The following YPEL1 variants were observed in gnomAD, a reference collection of about 807,000 sequenced individuals.
The protein encoded by YPEL1 is protein yippee-like 1.
Under a neutral mutation model 17.3 loss-of-function variants are expected in YPEL1, and 7 were observed. The ratio of observed to expected loss-of-function variants is 0.40; its 90% CI spans 0.23 to 0.76. The LOEUF (loss-of-function observed/expected upper bound fraction) is 0.76. YPEL1 is among the 30% of genes least tolerant of loss of function. The pLI, the probability that YPEL1 is intolerant of heterozygous loss-of-function variation, is 0.35. For synonymous variants in YPEL1, 59 were observed against 59.6 expected, an observed-to-expected ratio of 0.99 and a Z score of 0.05; for missense variants, 91 against 155.5, an observed-to-expected ratio of 0.59 and a Z score of 2.21.
At position 21,715,434 on chromosome 22, in the gene YPEL1, C is replaced by T. The variant is rs181967226; in HGVS notation, c.-164-4526G>A. 9.9e-5 allele frequency among the ~76,000 whole-genome samples: 15 copies of T among 150,862 alleles called. No individual in the cohort carries two copies. In the East Asian group the frequency reaches 3.1e-3, roughly 31 times the overall value. On this transcript the variant is annotated intron_variant, in intron 1 of 4. Coordinates refer to ENST00000339468, the MANE Select transcript of YPEL1 (RefSeq NM_013313.5). The stretch of plus-strand genomic sequence containing the variant: ...ACTTGAACCCGGGAGGCGGAGGCTG[C>T]AGTGAGCCGAGATTGCACCACTGCA...
chr22:21,706,862 TAAATAA>T (rs758248795), intron 2 of YPEL1, among the ~76,000 whole-genome samples: 21 of 151,384 alleles, frequency 1.4e-4, no homozygotes, highest in Non-Finnish European at 1.9e-4. Context: ...AATAAATAAA[TAAATAA>T]AAATAAAAAT....
chr22:21,732,946 C>T (rs1428092074), intron 1 of YPEL1, among the ~76,000 whole-genome samples: 1 of 151,626 alleles, frequency 6.6e-6, no homozygotes, highest in Non-Finnish European at 1.5e-5. Flanking sequence ...TCATATCTAC[C>T]AAAAAAAATT....
At chr22:21,708,331 CTTTTTTTT>C (rs775485136) in intron 2 of YPEL1, among the ~76,000 whole-genome samples, 2 of 102,108 alleles carry the variant, frequency 2.0e-5, no homozygotes, top group Non-Finnish European at 3.9e-5. Context: ...AGGCTTCTGC[CTTTTTTTT>C]TTTTTTTTTT....
At chr22:21,710,598 G>T in intron 2 of YPEL1, 30 bp downstream of exon 2, 1 of 1,538,036 alleles carries the variant, frequency 6.5e-7, no homozygotes, top group Non-Finnish European at 9.0e-7. Flanking sequence ...TAATCATTGT[G>T]CCATCAATTT....
intron 1 of YPEL1, among the ~76,000 whole-genome samples, chr22:21,733,411 C>G (rs950930162): frequency 6.7e-5 from 10 of 149,590 alleles, no homozygotes; most frequent in Non-Finnish European, 1.5e-4. Flanking sequence ...GAGCGAGACT[C>G]TGTCTCAAAA....
At chr22:21,711,024 GA>G in intron 1 of YPEL1, 116 bp from the exon 2 acceptor site, 1 of 341,780 alleles carries the variant, frequency 2.9e-6, no homozygotes. Context: ...GGCAGGACTA[GA>G]ATTTTTTTTT....
chr22:21,711,136 A>C (rs183391808), intron 1 of YPEL1, among the ~76,000 whole-genome samples: 21 of 151,294 alleles, frequency 1.4e-4, no homozygotes, highest in Non-Finnish European at 2.2e-4. Context: ...CGATTCTTCT[A>C]CCTCAGCCTC....
In YPEL1 at chr22:21,727,696, A is replaced by G. The variant is rs573568485; in HGVS notation, c.-165+7919T>C. ...AGCAAACAAAACCAAGCAGCTTCTG[A>G]CACTTCATGGGATGGAGTGCAGACT... On this transcript the variant is annotated intron_variant, in intron 1 of 4. Coordinates refer to ENST00000339468, the MANE Select transcript of YPEL1 (RefSeq NM_013313.5). Among the ~76,000 whole-genome samples, 3 of 152,314 alleles carry G rather than the reference A, an allele frequency of 2.0e-5. No homozygotes were observed. The South Asian group carries it at 6.2e-4, about 32-fold the overall frequency.
chr22:21,707,785 G>A (rs959346399), intron 2 of YPEL1, among the ~76,000 whole-genome samples: 3 of 152,184 alleles, frequency 2.0e-5, no homozygotes, highest in South Asian at 2.1e-4. Context: ...CAGAGTTGGC[G>A]CCAGCAAACT....
chr22:21,734,031 A>G (rs1203229106), intron 1 of YPEL1, among the ~76,000 whole-genome samples: 1 of 152,190 alleles, frequency 6.6e-6, no homozygotes, highest in Non-Finnish European at 1.5e-5. Context: ...CCTGGGAAAC[A>G]TTAAGTGAGA....
At chr22:21,734,454 GTTA>G (rs2068417858) in intron 1 of YPEL1, among the ~76,000 whole-genome samples, 1 of 152,132 alleles carries the variant, frequency 6.6e-6, no homozygotes, top group Admixed American at 6.6e-5. Flanking sequence ...AAAATAAGAA[GTTA>G]TTTTAAAAGA....
At chr22:21,717,737 A>G (rs1370981666) in intron 1 of YPEL1, among the ~76,000 whole-genome samples, 1 of 152,264 alleles carries the variant, frequency 6.6e-6, no homozygotes, top group Non-Finnish European at 1.5e-5. Flanking sequence ...CAGGTAAAAC[A>G]AGAGCCCAAA....
At chr22:21,701,291 A>AC (rs1004882920) in intron 4 of YPEL1, 73 bp from the exon 5 acceptor site, 215 of 1,190,488 alleles carry the variant, frequency 1.8e-4, no homozygotes, top group Non-Finnish European at 1.1e-4. Context: ...TTTGGCAAAA[A>AC]CCCCCCCCAA....
At position 21,703,620 on chromosome 22, in the gene YPEL1, C is replaced by T; in HGVS notation, c.162-142G>A. 2.4e-6 allele frequency: 2 copies of T among 846,684 alleles called. No individual in the cohort carries two copies. The highest frequency in any genetic ancestry group is 3.7e-6 in the Non-Finnish European group (2 of 543,142). The allele number at this position is 846,684 out of a possible 1,614,324, so 52.4% of individuals were successfully genotyped here. On this transcript the variant is annotated intron_variant, in intron 3 of 4. Coordinates refer to ENST00000339468, the MANE Select transcript of YPEL1 (RefSeq NM_013313.5). This position sits in a 1 kb window ranked among gnomAD's most constrained non-coding sequence, Gnocchi z 6.1. ...CAGAGAGCAGTGCCGTGCCTCTCCC[C>T]CAGCCCTGCCCGCCACCACCATCAA...
At chr22:21,723,082 A>G (rs746979916) in intron 1 of YPEL1, 1 of 152,076 alleles carries the variant, frequency 6.6e-6, no homozygotes, top group Non-Finnish European at 1.5e-5. Context: ...GGACAACTGA[A>G]CTGCATAGCA....
intron 1 of YPEL1, among the ~76,000 whole-genome samples, chr22:21,721,261 T>A (rs1452742271): frequency 2.0e-5 from 3 of 151,118 alleles, no homozygotes; most frequent in East Asian, 3.9e-4. Flanking sequence ...TACAGGCGTG[T>A]GCCACCACGC....
At chr22:21,727,082 G>A (rs943797941) in intron 1 of YPEL1, among the ~76,000 whole-genome samples, 1 of 152,174 alleles carries the variant, frequency 6.6e-6, no homozygotes, top group African/African-American at 2.4e-5. Flanking sequence ...TGAAGAGCCT[G>A]CTGCCCTGGG....
chr22:21,702,123 G>C (rs1464845859), intron 4 of YPEL1, among the ~76,000 whole-genome samples: 1 of 152,210 alleles, frequency 6.6e-6, no homozygotes, highest in Non-Finnish European at 1.5e-5. Flanking sequence ...GTTTTGCTGA[G>C]TGTGTGGCCT....
Position 21,698,088 on chromosome 22 carries a change from T to C in YPEL1, c.*3041A>G, listed in dbSNP as rs962243676. The C allele has an allele frequency of 6.6e-6, 1 of 152,220 alleles. No individual in the cohort carries two copies. The highest frequency in any genetic ancestry group is 1.5e-5 in the Non-Finnish European group (1 of 68,018). 9.4% of individuals were successfully genotyped at this position (152,220 alleles called of 1,614,324 possible). A position where few individuals can be genotyped will look rare whatever the true frequency, so the allele number is the denominator to read the frequency against. ...GAAGATTTATTTTAAATAACTTAAATAGAAGTCCTAGATGATATTGTTTAG... is the reference window on the plus strand; with the variant it reads ...GAAGATTTATTTTAAATAACTTAAACAGAAGTCCTAGATGATATTGTTTAG... On this transcript the variant is annotated 3_prime_UTR_variant, in exon 5 of 5. Transcript: ENST00000339468.
Sources: gnomAD v4.1 joint callset for allele counts (sites outside exome capture counted in the v4.1 genomes callset) on GRCh38, gnomAD v4.1.1 for gene constraint, Gnocchi (gnomAD v3.1) non-coding constraint, MANE v1.5 for transcripts, NCBI Gene and HGNC (gene_info 2026-07-23, HGNC 2026-07-21) for gene names.